Variants in PCSK2 observed in about 807,000 individuals in gnomAD.
PCSK2 encodes neuroendocrine convertase 2.
A neutral mutation model predicts 69.7 loss-of-function variants in PCSK2; 14 were observed. The ratio of observed to expected loss-of-function variants is 0.20; its 90% CI spans 0.13 to 0.31. The LOEUF (loss-of-function observed/expected upper bound fraction) is 0.31, where lower values mean the gene tolerates loss of function less well. Among genes scored for constraint, PCSK2 ranks in the 10% least tolerant of loss-of-function variants. The pLI is 1.00. For synonymous variants in PCSK2, 307 were observed against 320.7 expected, an observed-to-expected ratio of 0.96 and a Z score of 0.46; for missense variants, 544 against 842.5, an observed-to-expected ratio of 0.65 and a Z score of 4.39.
rs548133576 is a variant in PCSK2, at chr20:17,363,038, C to T, written c.505+2398C>T. On this transcript the variant is annotated intron_variant, in intron 4 of 11. Coordinates refer to ENST00000262545, the MANE Select transcript of PCSK2 (RefSeq NM_002594.5). Reference sequence around the variant, plus strand: ...GAATGGTATGGTGCCATGTCCCAGACATTTTCTTGGCAAGATATTCCAAAA... The same window carrying T: ...GAATGGTATGGTGCCATGTCCCAGATATTTTCTTGGCAAGATATTCCAAAA... Among the ~76,000 whole-genome samples, 18 of 152,354 alleles carry T rather than the reference C, an allele frequency of 1.2e-4. No individual in the cohort carries two copies. In the South Asian group the frequency reaches 3.5e-3, roughly 30 times the overall value.
chr20:17,480,001 A>G (rs906613242), intron 11 of PCSK2, among the ~76,000 whole-genome samples: 1 of 151,768 alleles, frequency 6.6e-6, no homozygotes, highest in Non-Finnish European at 1.5e-5. Flanking sequence ...TTCTACTGCA[A>G]GAACCTTTGA....
chr20:17,309,952 A>G (rs1568596961), intron 2 of PCSK2, among the ~76,000 whole-genome samples: 1 of 151,950 alleles, frequency 6.6e-6, no homozygotes, highest in Middle Eastern at 3.2e-3. Flanking sequence ...GAGAGGTTTA[A>G]TAGGCTCATA....
intron 5 of PCSK2, among the ~76,000 whole-genome samples, chr20:17,385,623 T>A (rs189471362): frequency 1.1e-4 from 16 of 152,314 alleles, no homozygotes; most frequent in Non-Finnish European, 1.3e-4. Context: ...TCAAAGAGTT[T>A]TGCATTCATT....
chr20:17,251,520 C>G (rs564884740), intron 1 of PCSK2, among the ~76,000 whole-genome samples: 1 of 152,380 alleles, frequency 6.6e-6, no homozygotes, highest in Admixed American at 6.5e-5. Flanking sequence ...GCCTGTCCCC[C>G]TGTGCCAGGG....
chr20:17,401,020 A>C (rs1430635808), intron 5 of PCSK2, among the ~76,000 whole-genome samples: 1 of 152,206 alleles, frequency 6.6e-6, no homozygotes, highest in African/African-American at 2.4e-5. Flanking sequence ...TTTAGGGTAG[A>C]GTCTTAGAGG....
chr20:17,305,917 A>T (rs1157838708), intron 2 of PCSK2, among the ~76,000 whole-genome samples: 1 of 152,226 alleles, frequency 6.6e-6, no homozygotes, highest in Non-Finnish European at 1.5e-5. Flanking sequence ...AATTAAGTTG[A>T]ACAGGATGCA....
At chr20:17,477,797 A>T (rs1037420551) in intron 11 of PCSK2, among the ~76,000 whole-genome samples, 4 of 152,144 alleles carry the variant, frequency 2.6e-5, no homozygotes, top group African/African-American at 9.7e-5. Context: ...TAATATGCAA[A>T]ACTGATTTTG....
intron 1 of PCSK2, among the ~76,000 whole-genome samples, chr20:17,232,176 T>TG (rs1986164909): frequency 1.3e-5 from 2 of 151,982 alleles, no homozygotes. Context: ...AGGAAGATGA[T>TG]TACATAGGGC....
At chr20:17,389,062 A>C (rs976830542) in intron 5 of PCSK2, among the ~76,000 whole-genome samples, 16 of 152,140 alleles carry the variant, frequency 1.1e-4, no homozygotes, top group Non-Finnish European at 2.9e-5. Context: ...ATCAAACTGC[A>C]ATTCTCATGA....
intron 6 of PCSK2, among the ~76,000 whole-genome samples, chr20:17,420,217 G>A (rs1308149415): frequency 6.6e-6 from 1 of 152,206 alleles, no homozygotes; most frequent in African/African-American, 2.4e-5. Flanking sequence ...GCCCTCTCTG[G>A]TTGGCTATTT....
chr20:17,436,672 C>A (rs1383900411), intron 7 of PCSK2, 36 bp from the exon 8 acceptor site: 1 of 1,575,586 alleles, frequency 6.3e-7, no homozygotes, highest in Non-Finnish European at 8.6e-7. Context: ...AACTGGGGAA[C>A]CCAAACATGG....
In PCSK2 at chr20:17,348,021, G is replaced by GAGAAAGAAAGA. The variant is rs1990731297; in HGVS notation, c.283-10293_283-10283dup. Among the ~76,000 whole-genome samples the GAGAAAGAAAGA allele has an allele frequency of 3.4e-5, 3 of 89,496 alleles. 1 individual carries two copies. Among genetic ancestry groups the GAGAAAGAAAGA allele is most frequent in the Non-Finnish European group, 6.8e-5 (3 of 44,096 alleles). 58.7% of individuals were successfully genotyped at this position (89,496 alleles called of 152,430 possible). A position where few individuals can be genotyped will look rare whatever the true frequency, so the allele number is the denominator to read the frequency against. On this transcript the variant is annotated intron_variant, in intron 2 of 11. Coordinates refer to ENST00000262545, the MANE Select transcript of PCSK2 (RefSeq NM_002594.5). The stretch of plus-strand genomic sequence containing the variant: ...AAGAGAAAGAAAGAAAGAGAGAAAA[G>GAGAAAGAAAGA]AGAAAGAAAGAAGAAAGAAAGAAAG...
chr20:17,292,633 T>C (rs1410040158), intron 2 of PCSK2, among the ~76,000 whole-genome samples: 2 of 152,224 alleles, frequency 1.3e-5, no homozygotes, highest in Non-Finnish European at 2.9e-5. Context: ...GAGAAATTGA[T>C]ACCTTTACAA....
At chr20:17,250,356 C>T (rs1600410090) in intron 1 of PCSK2, among the ~76,000 whole-genome samples, 1 of 152,190 alleles carries the variant, frequency 6.6e-6, no homozygotes, top group East Asian at 1.9e-4. Flanking sequence ...ATGGTTCTAC[C>T]TGAATAAATA....
intron 6 of PCSK2, among the ~76,000 whole-genome samples, chr20:17,412,234 A>G (rs1325222394): frequency 6.6e-6 from 1 of 152,232 alleles, no homozygotes; most frequent in African/African-American, 2.4e-5. Flanking sequence ...AACTTGTCCA[A>G]GCTAAAGGAG....
intron 1 of PCSK2, among the ~76,000 whole-genome samples, chr20:17,238,134 A>G (rs905372501): frequency 1.3e-5 from 2 of 152,234 alleles, no homozygotes; most frequent in African/African-American, 4.8e-5. Context: ...AAAAAGCCCA[A>G]TCATGAAGGA....
At chr20:17,260,130 C>T (rs1987320954) in intron 1 of PCSK2, 110 bp from the exon 2 acceptor site, 1 of 707,462 alleles carries the variant, frequency 1.4e-6, no homozygotes, top group Non-Finnish European at 2.5e-6. Flanking sequence ...GGTTTCCTTG[C>T]ATACTTCCCT....
chr20:17,422,420 CTAAA>C (rs547340759), intron 6 of PCSK2, among the ~76,000 whole-genome samples: 160 of 151,936 alleles, frequency 1.1e-3, no homozygotes, highest in African/African-American at 3.5e-3. Context: ...TAAAGGAGTC[CTAAA>C]TAAATAGAGT....
chr20:17,379,974 A>G (rs2031043793), intron 5 of PCSK2, among the ~76,000 whole-genome samples: 1 of 152,224 alleles, frequency 6.6e-6, no homozygotes, highest in Non-Finnish European at 1.5e-5. Context: ...CCACATGGCA[A>G]GGAATGGCGG....
Sources: allele counts gnomAD v4.1 joint callset (sites outside exome capture counted in the v4.1 genomes callset), GRCh38; gene constraint gnomAD v4.1.1; transcripts MANE v1.5; gene names NCBI Gene and HGNC (gene_info 2026-07-23, HGNC 2026-07-21).